DHX34: variants seen among roughly 807,000 people sequenced by gnomAD.
DHX34 encodes the protein DExH-box helicase 34.
Under a neutral mutation model 111.1 loss-of-function variants are expected in DHX34, and 96 were observed. The observed-to-expected ratio is 0.86, with a 90% CI of 0.73 to 1.02. The LOEUF is 1.02. Among genes scored for constraint, DHX34 ranks in the 50% least tolerant of loss-of-function variants. The pLI is 0.00. For synonymous variants in DHX34, 688 were observed against 670.4 expected (o/e 1.03, Z -0.41); for missense variants, 1,560 against 1,579.9 (o/e 0.99, Z 0.21).
intron 13 of DHX34, among the ~76,000 whole-genome samples, chr19:47,378,486 C>T (rs764956157): frequency 7.9e-5 from 12 of 152,140 alleles, no homozygotes; most frequent in Admixed American, 3.3e-4. Flanking sequence ...CCAGCCGGGC[C>T]GCAGGAAGCG....
At chr19:47,376,848 C>A in intron 12 of DHX34, 2 of 1,531,802 alleles carry the variant, frequency 1.3e-6, no homozygotes, top group Non-Finnish European at 1.7e-6. Context: ...TCTGTGAGCT[C>A]CCAGGTGGGT....
chr19:47,355,857 A>G (rs1187564458), intron 3 of DHX34, among the ~76,000 whole-genome samples: 3 of 152,112 alleles, frequency 2.0e-5, no homozygotes, highest in Non-Finnish European at 4.4e-5. Context: ...GTCTCAAAAA[A>G]AAAAAAGACC....
rs982667841 is a variant in DHX34 at position 47,375,313 on chromosome 19, G to C, written c.2065-153G>C. 44 of 985,464 alleles carry C rather than the reference G, an allele frequency of 4.5e-5. No homozygotes were observed. In the African/African-American group the frequency reaches 6.6e-4, roughly 15 times the overall value. The allele number at this position is 985,464 out of a possible 1,614,324, so 61.0% of individuals were successfully genotyped here. On this transcript the variant is annotated intron_variant, in intron 9 of 16. Transcript: ENST00000328771. The stretch of plus-strand genomic sequence containing the variant: ...GACCAGCGAGGACAGCTCTCTCTCT[G>C]GAGCAGCGATCCATGCCCAGCACCA...
Position 47,375,683 on chromosome 19 carries a change from G to A in DHX34, c.2282G>A (p.Gly761Glu). The part of the protein sequence containing the change: ...DEDRAGPAPP[G>E]ASDGVDIQDV... ...GACAGGGCTGGCCCAGCCCCCCCAG[G>A]GGCCAGTGATGGCGTGGACATCCAG... The change falls in exon 10 of 17, where the codon GGG becomes GAG. Residue 761 changes from glycine (G) to glutamate (E), a missense_variant. By Grantham distance (98) the Gly-to-Glu change is moderately conservative (BLOSUM62 -2). Coordinates refer to ENST00000328771, the MANE Select transcript of DHX34 (RefSeq NM_014681.6). The A allele has an allele frequency of 2.6e-6, 4 of 1,557,918 alleles. No individual in the cohort carries two copies. Among genetic ancestry groups the A allele is most frequent in the East Asian group, 4.7e-5 (2 of 42,442 alleles).
intron 11 of DHX34, 137 bp from the exon 12 acceptor site, chr19:47,376,295 AGCCCACAGGGG>A: frequency 2.0e-6 from 3 of 1,495,360 alleles, no homozygotes; most frequent in Non-Finnish European, 1.8e-6. Flanking sequence ...GCACTATAGG[AGCCCACAGGGG>A]GCATCTGCCC....
Position 47,381,964 on chromosome 19 carries a change from C to G in DHX34, c.3299-16C>G, listed in dbSNP as rs1329010400. ...TGGAACACGCCCCTCACAGCCTCCTCCTTTTCCTCCCTTAGGGGCTGAGGA... is the reference window on the plus strand; with the variant it reads ...TGGAACACGCCCCTCACAGCCTCCTGCTTTTCCTCCCTTAGGGGCTGAGGA... On this transcript the variant is annotated splice_polypyrimidine_tract_variant and intron_variant, in intron 16 of 16. Transcript: ENST00000328771. 1 of 1,614,010 alleles carries G rather than the reference C, an allele frequency of 6.2e-7. No individual in the cohort carries two copies. Among genetic ancestry groups the G allele is most frequent in the African/African-American group, 1.3e-5 (1 of 75,042 alleles).
At position 47,377,162 on chromosome 19, in the gene DHX34, A is replaced by C. The variant is rs143500364; in HGVS notation, c.2662A>C (p.Asn888His). The change falls in exon 13 of 17, where the codon AAC becomes CAC. Residue 888 changes from asparagine (N) to histidine (H), a missense_variant. By Grantham distance (68) the Asn-to-His change is moderately conservative (BLOSUM62 1). Coordinates refer to ENST00000328771, the MANE Select transcript of DHX34 (RefSeq NM_014681.6). ...CAGCTTCGTGTCCCTGCTGGAGACCAACAAGCCGTACCTGGTGAACTGCGT... is the reference window on the plus strand; with the variant it reads ...CAGCTTCGTGTCCCTGCTGGAGACCCACAAGCCGTACCTGGTGAACTGCGT... ...LLSFVSLLET[N>H]KPYLVNCVRI... 9.7e-5 allele frequency: 157 copies of C among 1,613,910 alleles called. No homozygotes were observed. The African/African-American group carries it at 1.8e-3, about 18-fold the overall frequency.
At chr19:47,374,840 A>T (rs952904773) in intron 9 of DHX34, among the ~76,000 whole-genome samples, 7 of 152,188 alleles carry the variant, frequency 4.6e-5, no homozygotes, top group African/African-American at 1.7e-4. Context: ...ATGCACACAT[A>T]CAGACACACA....
At chr19:47,368,415 T>C (rs2122291999) in intron 7 of DHX34, among the ~76,000 whole-genome samples, 1 of 142,704 alleles carries the variant, frequency 7.0e-6, no homozygotes, top group South Asian at 2.3e-4. Flanking sequence ...CAAGCGATTC[T>C]CCTGCCTCAG....
chr19:47,355,178 A>G lies in DHX34; in HGVS notation c.845A>G (p.His282Arg). Residue 282 changes from histidine to arginine, a missense_variant, in exon 3 of 17, where the codon CAT becomes CGT. By Grantham distance (29) the His-to-Arg change is conservative. Coordinates refer to ENST00000328771, the MANE Select transcript of DHX34 (RefSeq NM_014681.6). ...QYEVLIVDEV[H>R]ERHLHNDFLL... ...GAGGTCCTGATTGTGGATGAAGTCC[A>G]TGAGCGGCATCTCCACAACGATTTC... 1 of 1,614,148 alleles carries G rather than the reference A, an allele frequency of 6.2e-7. No individual in the cohort carries two copies. The highest frequency in any genetic ancestry group is 8.5e-7 in the Non-Finnish European group (1 of 1,180,034).
intron 6 of DHX34, 163 bp from the exon 7 acceptor site, chr19:47,366,818 C>T (rs1288186953): frequency 2.0e-6 from 2 of 982,244 alleles, no homozygotes; most frequent in South Asian, 4.7e-5. Flanking sequence ...AAGTGATCCG[C>T]TTGCCTTGGC....
At chr19:47,350,714 C>T (rs1969259574) in intron 1 of DHX34, among the ~76,000 whole-genome samples, 1 of 151,936 alleles carries the variant, frequency 6.6e-6, no homozygotes, top group African/African-American at 2.4e-5. Context: ...GCCACCATGC[C>T]CGGCCTGAAA....
At chr19:47,377,239 A>C (rs1277974488) in intron 13 of DHX34, 33 bp downstream of exon 13, 1 of 1,593,588 alleles carries the variant, frequency 6.3e-7, no homozygotes, top group South Asian at 1.1e-5. Flanking sequence ...CCCCATGCCC[A>C]GATATGAGAG....
At chr19:47,370,221 A>G (rs1599767075) in intron 7 of DHX34, among the ~76,000 whole-genome samples, 2 of 152,180 alleles carry the variant, frequency 1.3e-5, no homozygotes, top group Non-Finnish European at 2.9e-5. Flanking sequence ...TGGATTCCCC[A>G]GCACTTGGGG....
chr19:47,358,011 T>A lies in DHX34; in HGVS notation c.1163T>A (p.Met388Lys). 1.9e-6 allele frequency: 3 copies of A among 1,613,772 alleles called. No homozygotes were observed. The highest frequency in any genetic ancestry group is 2.5e-6 in the Non-Finnish European group (3 of 1,180,044). ...GACCTCCTCGTCTTCCTCAGCGGCA[T>A]GGCGGAGATCAGCGCCGTGCTGGAG... ...RGDLLVFLSG[M>K]AEISAVLEAA... is the part of the protein sequence containing the mutation. Residue 388 changes from methionine to lysine, a missense_variant, in exon 4 of 17, where the codon ATG becomes AAG. Physicochemically the swap from Met to Lys is moderately conservative, Grantham distance 95 (BLOSUM62 -1). Transcript: ENST00000328771.
Position 47,378,822 on chromosome 19 carries a change from G to C in DHX34, c.2707-888G>C, listed in dbSNP as rs150522352. Among the ~76,000 whole-genome samples, 7 of 152,014 alleles carry C rather than the reference G, an allele frequency of 4.6e-5. No homozygotes were observed. In the East Asian group the frequency reaches 1.4e-3, roughly 29 times the overall value. ...ACTGCACTCCAGCCTGGGTGACAGA[G>C]TGAGACACTGTCTCAAAAAATAATA... On this transcript the variant is annotated intron_variant, in intron 13 of 16. Coordinates refer to ENST00000328771, the MANE Select transcript of DHX34 (RefSeq NM_014681.6).
chr19:47,349,611 AAGACGAGGGTGTTGGG>A (rs1969223255), intron 1 of DHX34, among the ~76,000 whole-genome samples: 1 of 152,134 alleles, frequency 6.6e-6, no homozygotes, highest in Non-Finnish European at 1.5e-5. Flanking sequence ...GAGGGACTGA[AAGACGAGGGTGTTGGG>A]AGAGGAGGGA....
chr19:47,364,545 C>T (rs1250052267), intron 6 of DHX34, among the ~76,000 whole-genome samples: 2 of 151,874 alleles, frequency 1.3e-5, no homozygotes, highest in Middle Eastern at 3.2e-3. Flanking sequence ...AAGTCGAGAC[C>T]AGCCTAGGCA....
chr19:47,349,900 C>T (rs2341877), intron 1 of DHX34, among the ~76,000 whole-genome samples: 16,972 of 152,002 alleles, frequency 0.11, 1,452 homozygotes, highest in African/African-American at 0.24. Flanking sequence ...TAATGGAGAA[C>T]GATGCTGAGA....
Sources: gnomAD v4.1 joint callset for allele counts (sites outside exome capture counted in the v4.1 genomes callset) on GRCh38, gnomAD v4.1.1 for gene constraint, MANE v1.5 for transcripts, NCBI Gene and HGNC (gene_info 2026-07-23, HGNC 2026-07-21) for gene names.